The following NTRK3 variants were observed in gnomAD, a reference collection of about 807,000 sequenced individuals.
NTRK3 encodes neurotrophic receptor tyrosine kinase 3.
Under a neutral mutation model 91.7 loss-of-function variants are expected in NTRK3, and 24 were observed. That is an observed-to-expected ratio of 0.26 (90% confidence interval 0.19 to 0.37). The LOEUF (loss-of-function observed/expected upper bound fraction) is 0.37, where lower values mean the gene tolerates loss of function less well. NTRK3 is among the 10% of genes least tolerant of loss of function. The probability of loss-of-function intolerance (pLI) is 1.00; values close to 1 mark genes in which losing one functional copy is unlikely to be tolerated. For synonymous variants in NTRK3, 483 were observed against 404.0 expected (o/e 1.20, Z -2.34); for missense variants, 880 against 1,068.9 (o/e 0.82, Z 2.46).
chr15:87,917,705 T>G (rs893235567), intron 17 of NTRK3, among the ~76,000 whole-genome samples: 1 of 152,142 alleles, frequency 6.6e-6, no homozygotes, highest in Non-Finnish European at 1.5e-5. Context: ...AGTGAGTTAT[T>G]CATCTTAGTT....
chr15:87,949,454 C>T (rs2070889601), intron 14 of NTRK3, among the ~76,000 whole-genome samples: 1 of 152,078 alleles, frequency 6.6e-6, no homozygotes, highest in Non-Finnish European at 1.5e-5. Context: ...GACACCGAGA[C>T]ACTGTGTTCC....
chr15:88,247,619 G>C (rs775672776), intron 3 of NTRK3, among the ~76,000 whole-genome samples: 4 of 152,206 alleles, frequency 2.6e-5, no homozygotes, highest in Admixed American at 6.5e-5. Context: ...CTACGGGGGT[G>C]CCGGGCTGGA....
intron 5 of NTRK3, among the ~76,000 whole-genome samples, chr15:88,182,921 GGTGTTTCCA>G (rs2046616691): frequency 6.6e-6 from 1 of 152,084 alleles, no homozygotes; most frequent in Non-Finnish European, 1.5e-5. Flanking sequence ...ACATTACACA[GGTGTTTCCA>G]CTTCTCTGAG....
At chr15:88,242,264 G>C (rs181002535) in intron 3 of NTRK3, among the ~76,000 whole-genome samples, 1 of 152,068 alleles carries the variant, frequency 6.6e-6, no homozygotes, top group Non-Finnish European at 1.5e-5. Context: ...GCCTTTCCGC[G>C]TGGGGCCTCT....
At chr15:88,094,325 C>T (rs867749252) in intron 13 of NTRK3, among the ~76,000 whole-genome samples, 17 of 151,710 alleles carry the variant, frequency 1.1e-4, no homozygotes, top group Middle Eastern at 3.2e-3. Flanking sequence ...AAAAATTAGC[C>T]GGGCGCGGTG....
chr15:88,256,340 A>ACGCCGCCGCCGC (rs542135987), exon 2 of NTRK3: 7 of 637,912 alleles, frequency 1.1e-5, no homozygotes, highest in Non-Finnish European at 1.7e-5. Flanking sequence ...ACCATCGCGG[A>ACGCCGCCGCCGC]CGCCGCCGCC....
chr15:87,940,273 G>A (rs1320786227), intron 15 of NTRK3, among the ~76,000 whole-genome samples: 1 of 152,170 alleles, frequency 6.6e-6, no homozygotes, highest in Non-Finnish European at 1.5e-5. Flanking sequence ...GACTTTCCAG[G>A]CACAGACAGC....
At chr15:88,103,078 G>T (rs118128095) in intron 13 of NTRK3, among the ~76,000 whole-genome samples, 1 of 152,148 alleles carries the variant, frequency 6.6e-6, no homozygotes, top group Non-Finnish European at 1.5e-5. Flanking sequence ...TATGCATGAC[G>T]AACGTAGGCT....
At chr15:87,876,055 G>A (rs2064938738) in exon 19 of NTRK3, 1 of 232,620 alleles carries the variant, frequency 4.3e-6, no homozygotes, top group South Asian at 1.8e-4. Context: ...AGGTGGCAGT[G>A]TCTTGGCAGG....
intron 13 of NTRK3, among the ~76,000 whole-genome samples, chr15:88,116,375 A>G (rs949342243): frequency 6.6e-6 from 1 of 152,084 alleles, no homozygotes; most frequent in African/African-American, 2.4e-5. Context: ...ACCTCAGGTC[A>G]GGAGTTCGAG....
chr15:87,988,329 T>C (rs1330249733), intron 14 of NTRK3, among the ~76,000 whole-genome samples: 1 of 152,178 alleles, frequency 6.6e-6, no homozygotes, highest in Admixed American at 6.5e-5. Context: ...TAAGAAGACA[T>C]GATAACTAAA....
chr15:88,246,734 G>A (rs961832980), intron 3 of NTRK3, among the ~76,000 whole-genome samples: 1 of 152,196 alleles, frequency 6.6e-6, no homozygotes, highest in Non-Finnish European at 1.5e-5. Flanking sequence ...TCCTTCCCAG[G>A]AAGCCAAAGG....
chr15:88,082,271 C>T (rs1320832240), intron 13 of NTRK3, among the ~76,000 whole-genome samples: 4 of 144,772 alleles, frequency 2.8e-5, no homozygotes, highest in African/African-American at 1.0e-4. Flanking sequence ...AAGTGAGACT[C>T]TGTCTCAAAA....
At chr15:87,865,140 G>A (rs56678095) in exon 19 of NTRK3, 2,395 of 211,432 alleles carry the variant, frequency 0.011, 76 homozygotes, top group African/African-American at 0.051. Flanking sequence ...TAGGATTTGG[G>A]GTATGCAGCT....
intron 3 of NTRK3, among the ~76,000 whole-genome samples, chr15:88,245,112 A>C (rs11633461): frequency 0.82 from 124,510 of 152,134 alleles, 51,673 homozygotes; most frequent in East Asian, 0.97. Flanking sequence ...CCTTTTTCCA[A>C]ATACATGCCA....
At chr15:88,135,784 C>T in intron 9 of NTRK3, 115 bp downstream of exon 9, 1 of 1,392,084 alleles carries the variant, frequency 7.2e-7, no homozygotes, top group Non-Finnish European at 9.9e-7. Context: ...TCTGTCCCTA[C>T]TGGTAGATCA....
At chr15:87,980,381 G>C (rs2074127236) in intron 14 of NTRK3, among the ~76,000 whole-genome samples, 1 of 151,902 alleles carries the variant, frequency 6.6e-6, no homozygotes. Flanking sequence ...GTGTGTATCT[G>C]TTTGCATGTG....
chr15:88,204,319 T>A (rs561388171), intron 3 of NTRK3, among the ~76,000 whole-genome samples: 1 of 152,272 alleles, frequency 6.6e-6, no homozygotes, highest in African/African-American at 2.4e-5. Flanking sequence ...CCCTATTACC[T>A]TCTAACTTGA....
chr15:87,950,934 T>C (rs1269172806), intron 14 of NTRK3, among the ~76,000 whole-genome samples: 1 of 152,210 alleles, frequency 6.6e-6, no homozygotes, highest in Non-Finnish European at 1.5e-5. Flanking sequence ...AGGTGCTCAA[T>C]AGGCCTTAAC....
Sources: gnomAD v4.1 joint callset for allele counts (sites outside exome capture counted in the v4.1 genomes callset) on GRCh38, gnomAD v4.1.1 for gene constraint, MANE v1.5 for transcripts, NCBI Gene and HGNC (gene_info 2026-07-23, HGNC 2026-07-21) for gene names.